Variants in RPTOR observed in about 807,000 individuals in gnomAD.
RPTOR encodes the protein regulatory-associated protein of mTOR.
RPTOR carries 21 observed loss-of-function variants against 169.9 expected under a neutral mutation model. That is an observed-to-expected ratio of 0.12 (90% CI 0.09 to 0.18). RPTOR has a LOEUF of 0.18. Ranked by LOEUF, RPTOR falls within the 10% of genes least tolerant of loss-of-function variation. The pLI is 1.00. For synonymous variants in RPTOR, 732 were observed against 753.2 expected (o/e 0.97, Z 0.46); for missense variants, 1,133 against 1,855.9 (o/e 0.61, Z 7.16).
chr17:80,716,642 C>A (rs1031299869), intron 4 of RPTOR, among the ~76,000 whole-genome samples: 7 of 152,126 alleles, frequency 4.6e-5, no homozygotes, highest in South Asian at 2.1e-4. Context: ...AGATCCTTGC[C>A]TAAACCAGTC....
chr17:80,571,732 G>T (rs2064908750), intron 1 of RPTOR, among the ~76,000 whole-genome samples: 1 of 152,098 alleles, frequency 6.6e-6, no homozygotes, highest in Non-Finnish European at 1.5e-5. Context: ...TGTTGTCCAG[G>T]CTCCTCTCAA....
At chr17:80,934,222 C>T (rs1020653684) in intron 24 of RPTOR, among the ~76,000 whole-genome samples, 1 of 149,638 alleles carries the variant, frequency 6.7e-6, no homozygotes, top group Admixed American at 6.7e-5. Context: ...GCAATACCTT[C>T]CATCACTACT....
intron 9 of RPTOR, among the ~76,000 whole-genome samples, chr17:80,831,678 C>T (rs1262893695): frequency 1.3e-5 from 2 of 152,186 alleles, no homozygotes; most frequent in East Asian, 3.9e-4. Flanking sequence ...CCTGTGTATC[C>T]TTGTGTATCA....
Position 80,707,104 on chromosome 17 carries a change from G to A in RPTOR, c.349-737G>A, listed in dbSNP as rs1020154133. On this transcript the variant is annotated intron_variant, in intron 3 of 33. Coordinates refer to ENST00000306801, the MANE Select transcript of RPTOR (RefSeq NM_020761.3). This position sits in a 1 kb window ranked among gnomAD's most constrained non-coding sequence, Gnocchi z 5.0. ...AGGGTTAAGGGCCCAGGCAGGAGGC[G>A]GAGGGAGGAGCTTTCAGCAGGGCGA... Among the ~76,000 whole-genome samples the A allele has an allele frequency of 3.3e-5, 5 of 152,166 alleles. No homozygotes were observed. Among genetic ancestry groups the A allele is most frequent in the South Asian group, 2.1e-4 (1 of 4,832 alleles).
At chr17:80,791,375 T>A in intron 6 of RPTOR, 75 bp from the exon 7 acceptor site, 1 of 1,386,062 alleles carries the variant, frequency 7.2e-7, no homozygotes, top group Non-Finnish European at 1.0e-6. Flanking sequence ...AACTCTTCCC[T>A]TTTTCTGCAG....
intron 18 of RPTOR, among the ~76,000 whole-genome samples, chr17:80,892,484 C>T (rs538437178): frequency 6.6e-6 from 1 of 152,268 alleles, no homozygotes; most frequent in African/African-American, 2.4e-5. Flanking sequence ...CCACCAGCCT[C>T]TCCCCTGTTG....
chr17:80,603,646 G>A (rs927748413), intron 1 of RPTOR, among the ~76,000 whole-genome samples: 3 of 152,214 alleles, frequency 2.0e-5, no homozygotes, highest in Admixed American at 6.5e-5. Flanking sequence ...CCAGCTAGGC[G>A]AAAGGGTGCA....
intron 11 of RPTOR, among the ~76,000 whole-genome samples, chr17:80,850,028 G>A (rs1371277434): frequency 2.0e-5 from 3 of 152,234 alleles, no homozygotes; most frequent in Admixed American, 2.0e-4. Context: ...GGAAAAAGGT[G>A]ACAGTGATAT....
At chr17:80,647,351 T>G (rs2065604129) in intron 3 of RPTOR, among the ~76,000 whole-genome samples, 1 of 152,226 alleles carries the variant, frequency 6.6e-6, no homozygotes, top group Admixed American at 6.5e-5. Context: ...ATGAAAGTTT[T>G]ATTGGGAAAT....
rs1017651494 is a variant in RPTOR, at chr17:80,708,044, T to C, written c.507+45T>C. The stretch of plus-strand genomic sequence containing the variant: ...TCCTTCCCGTTTCTGCCAAAAGCCA[T>C]GCCAATTGCGGTGGTCGGAGCAGGT... On this transcript the variant is annotated intron_variant, in intron 4 of 33. Transcript: ENST00000306801. This position sits in a 1 kb window ranked among gnomAD's most constrained non-coding sequence, Gnocchi z 4.2. The C allele has an allele frequency of 6.9e-6, 11 of 1,588,364 alleles. No homozygotes were observed. The highest frequency in any genetic ancestry group is 8.6e-6 in the Non-Finnish European group (10 of 1,164,946).
intron 1 of RPTOR, among the ~76,000 whole-genome samples, chr17:80,599,412 A>G (rs1395883097): frequency 1.3e-5 from 2 of 152,178 alleles, no homozygotes; most frequent in Non-Finnish European, 2.9e-5. Context: ...TGCTAAGTAA[A>G]GGGAGGTTTG....
intron 3 of RPTOR, among the ~76,000 whole-genome samples, chr17:80,698,547 G>T (rs527785295): frequency 6.6e-6 from 1 of 152,180 alleles, no homozygotes; most frequent in Non-Finnish European, 1.5e-5. Context: ...CTGGAGTTAC[G>T]TGGGGGCACC....
intron 8 of RPTOR, among the ~76,000 whole-genome samples, chr17:80,822,825 A>G (rs1327919004): frequency 1.3e-5 from 2 of 151,136 alleles, no homozygotes; most frequent in African/African-American, 4.9e-5. Flanking sequence ...CCCATGTGTA[A>G]TGTATCTGTA....
chr17:80,741,616 TA>T (rs1190930442), intron 5 of RPTOR, among the ~76,000 whole-genome samples: 1 of 152,222 alleles, frequency 6.6e-6, no homozygotes, highest in Non-Finnish European at 1.5e-5. Context: ...TGTGGGGTCC[TA>T]TCAGAGATGT....
At chr17:80,747,424 A>G (rs2066586576) in intron 5 of RPTOR, among the ~76,000 whole-genome samples, 2 of 152,194 alleles carry the variant, frequency 1.3e-5, no homozygotes, top group African/African-American at 4.8e-5. Context: ...GCCAGAGGGC[A>G]TGTCTTCTTG....
intron 20 of RPTOR, among the ~76,000 whole-genome samples, chr17:80,895,917 A>G (rs7503238): frequency 0.73 from 110,680 of 152,156 alleles, 40,647 homozygotes; most frequent in Admixed American, 0.79. Context: ...TGTAATCAGC[A>G]TTCATCACAG....
At chr17:80,886,446 G>C (rs1355850717) in intron 17 of RPTOR, among the ~76,000 whole-genome samples, 1 of 152,150 alleles carries the variant, frequency 6.6e-6, no homozygotes, top group Admixed American at 6.5e-5. Flanking sequence ...GGCTTCTTTT[G>C]GCCCCTGCTG....
chr17:80,755,051 C>G (rs931338679), intron 6 of RPTOR, among the ~76,000 whole-genome samples: 4 of 152,140 alleles, frequency 2.6e-5, no homozygotes. Flanking sequence ...GTAAGGGCCC[C>G]CAGGGACACC....
chr17:80,788,197 G>A (rs1478580789), intron 6 of RPTOR, among the ~76,000 whole-genome samples: 4 of 152,196 alleles, frequency 2.6e-5, no homozygotes, highest in Non-Finnish European at 5.9e-5. Flanking sequence ...CACCAGCTGG[G>A]GGTGGTGGCT....
Sources: allele counts gnomAD v4.1 joint callset (sites outside exome capture counted in the v4.1 genomes callset), GRCh38; gene constraint gnomAD v4.1.1; non-coding constraint Gnocchi (gnomAD v3.1); transcripts MANE v1.5; gene names NCBI Gene and HGNC (gene_info 2026-07-23, HGNC 2026-07-21).